Variants in HELZ observed in about 807,000 individuals in gnomAD.
HELZ encodes the protein helicase with zinc finger.
A neutral mutation model predicts 218.2 loss-of-function variants in HELZ; 23 were observed. That is an observed-to-expected ratio of 0.11 (90% CI 0.08 to 0.15). The LOEUF (loss-of-function observed/expected upper bound fraction) is 0.15. Ranked by LOEUF, HELZ falls within the 10% of genes least tolerant of loss-of-function variation. The pLI is 1.00. For synonymous variants in HELZ, 814 were observed against 829.4 expected, an observed-to-expected ratio of 0.98 and a Z score of 0.32; for missense variants, 1,813 against 2,353.7, an observed-to-expected ratio of 0.77 and a Z score of 4.75.
chr17:67,167,335 C>A, intron 14 of HELZ, 128 bp downstream of exon 14: 3 of 640,496 alleles, frequency 4.7e-6, no homozygotes, highest in Non-Finnish European at 5.4e-6. Flanking sequence ...ATTTTCAACC[C>A]ACCACTGTAG....
intron 24 of HELZ, among the ~76,000 whole-genome samples, chr17:67,125,045 T>G (rs1459206755): frequency 6.6e-6 from 1 of 151,310 alleles, no homozygotes; most frequent in Non-Finnish European, 1.5e-5. Flanking sequence ...AAAATCATTC[T>G]TGACAAAAGC....
chr17:67,207,960 C>T (rs144893997), intron 5 of HELZ, among the ~76,000 whole-genome samples: 1,610 of 152,298 alleles, frequency 0.011, 26 homozygotes, highest in African/African-American at 0.036. Context: ...GATCACTCCA[C>T]TGCACTCCAG....
intron 5 of HELZ, among the ~76,000 whole-genome samples, chr17:67,214,317 G>A (rs1421970542): frequency 7.4e-6 from 1 of 134,826 alleles, no homozygotes; most frequent in Non-Finnish European, 1.5e-5. Flanking sequence ...CCAGGCTGGA[G>A]TGCAGTAGCA....
intron 5 of HELZ, among the ~76,000 whole-genome samples, chr17:67,215,370 AC>A (rs1278656311): frequency 7.2e-6 from 1 of 138,402 alleles, no homozygotes; most frequent in East Asian, 2.1e-4. Context: ...TTTTTTTGAG[AC>A]GTAGTCTCAC....
chr17:67,193,827 CTT>C (rs2039959404), intron 9 of HELZ, 138 bp downstream of exon 9: 1 of 644,352 alleles, frequency 1.6e-6, no homozygotes, highest in Admixed American at 2.7e-5. Flanking sequence ...ATGGTTTTGA[CTT>C]TTATTACTTA....
chr17:67,078,635 T>C (rs771260722), intron 32 of HELZ, 49 bp from the exon 33 acceptor site: 1 of 1,288,522 alleles, frequency 7.8e-7, no homozygotes, highest in Admixed American at 2.7e-5. Context: ...CCCAGCAATG[T>C]TCATGTGCCT....
At position 67,114,321 on chromosome 17, in the gene HELZ, T is replaced by A. The variant is rs2037366699; in HGVS notation, c.3918+3A>T. 1.3e-6 allele frequency: 2 copies of A among 1,590,792 alleles called. No homozygotes were observed. The highest frequency in any genetic ancestry group is 2.7e-5 in the African/African-American group (2 of 74,362). ...AGGACAACACAGTAACTAAGCAGCA[T>A]ACCTGTTTTGGTTCTGTTGGCTTTT... On this transcript the variant is annotated splice_donor_region_variant and intron_variant, in intron 28 of 32. Coordinates refer to ENST00000358691, the MANE Select transcript of HELZ (RefSeq NM_014877.4).
intron 13 of HELZ, 23 bp from the exon 14 acceptor site, chr17:67,167,819 GT>G: frequency 6.8e-7 from 1 of 1,476,496 alleles, no homozygotes; most frequent in Non-Finnish European, 9.3e-7. Context: ...TAGAAAACTA[GT>G]TTGAATATTT....
At chr17:67,112,516 C>A (rs980889457) in intron 28 of HELZ, among the ~76,000 whole-genome samples, 2 of 152,208 alleles carry the variant, frequency 1.3e-5, no homozygotes, top group African/African-American at 4.8e-5. Flanking sequence ...ACTTATCTAT[C>A]AGGAGGTTCC....
intron 3 of HELZ, chr17:67,224,943 T>C (rs1393734079): frequency 7.0e-6 from 5 of 712,442 alleles, no homozygotes; most frequent in Admixed American, 3.5e-5. Flanking sequence ...TTGAGTGCGT[T>C]GAGCCCAAAC....
chr17:67,108,761 T>C lies in HELZ; in HGVS notation c.4490-35A>G, dbSNP rs554749358. On this transcript the variant is annotated intron_variant, in intron 29 of 32. Coordinates refer to ENST00000358691, the MANE Select transcript of HELZ (RefSeq NM_014877.4). This position sits in a 1 kb window ranked among gnomAD's most constrained non-coding sequence, Gnocchi z 4.1. ...TATTTGTGAAAAATTTTTTATGAAT[T>C]TGGGGTTTCAAGTTCATTATTTAAA... The C allele has an allele frequency of 1.5e-5, 22 of 1,481,950 alleles. 1 individual carries two copies. In the East Asian group the frequency reaches 4.6e-4, roughly 31 times the overall value. The allele number at this position is 1,481,950 out of a possible 1,614,324, so 91.8% of individuals were successfully genotyped here. A position where few individuals can be genotyped will look rare whatever the true frequency, so the allele number is the denominator to read the frequency against.
At chr17:67,177,244 C>T (rs1049391877) in intron 13 of HELZ, among the ~76,000 whole-genome samples, 35 of 152,084 alleles carry the variant, frequency 2.3e-4, no homozygotes, top group Non-Finnish European at 4.0e-4. Context: ...TGAGCCACCA[C>T]ACCCAGCCTT....
rs2036071964 is a variant in HELZ at position 67,078,156 on chromosome 17, AG to A, written c.*95del. Reference sequence around the variant, plus strand: ...GAGAACATATTTAATATTAAAACAAAGGGAACTGTGCATCTATAGATGAAGT... The same window carrying A: ...GAGAACATATTTAATATTAAAACAAAGGAACTGTGCATCTATAGATGAAGT... On this transcript the variant is annotated 3_prime_UTR_variant, in exon 33 of 33. Coordinates refer to ENST00000358691, the MANE Select transcript of HELZ (RefSeq NM_014877.4). 3 of 777,540 alleles carry A rather than the reference AG, an allele frequency of 3.9e-6. No homozygotes were observed. Among genetic ancestry groups the A allele is most frequent in the Non-Finnish European group, 4.2e-6 (2 of 478,926 alleles). 48.2% of individuals were successfully genotyped at this position (777,540 alleles called of 1,614,324 possible).
At chr17:67,114,221 G>C (rs2037364098) in intron 28 of HELZ, 103 bp downstream of exon 28, 3 of 763,136 alleles carry the variant, frequency 3.9e-6, no homozygotes, top group Non-Finnish European at 4.7e-6. Flanking sequence ...TAAACATAAA[G>C]GATAAGTGTA....
intron 5 of HELZ, among the ~76,000 whole-genome samples, chr17:67,212,314 C>CGAAAAAAAAAAAAAAA (rs2040475559): frequency 4.7e-5 from 1 of 21,396 alleles, no homozygotes; most frequent in Admixed American, 1.2e-3. Context: ...GACACCATCT[C>CGAAAAAAAAAAAAAAA]AAAAAAAAAA....
chr17:67,143,872 A>T (rs571038521), intron 21 of HELZ, among the ~76,000 whole-genome samples: 20 of 152,356 alleles, frequency 1.3e-4, no homozygotes, highest in Admixed American at 7.2e-4. Context: ...CACACAGCAC[A>T]TATGCTATGA....
At position 67,109,362 on chromosome 17, in the gene HELZ, G is replaced by A; in HGVS notation, c.4243C>T (p.Pro1415Ser). The A allele has an allele frequency of 6.2e-7, 1 of 1,614,126 alleles. No homozygotes were observed. Among genetic ancestry groups the A allele is most frequent in the Non-Finnish European group, 8.5e-7 (1 of 1,180,016 alleles). ...QSQLNQQPQQ[P>S]PPQLSPAYQA... ...TATGCAGGAGAAAGCTGAGGAGGTG[G>A]CTGCTGAGGCTGCTGATTCAACTGA... is the stretch of plus-strand genomic sequence containing the variant. Residue 1415 changes from proline (P) to serine (S), a missense_variant, in exon 29 of 33, where the codon CCA becomes TCA. Around this residue, in one of 4 missense-constraint regions of HELZ, gnomAD observed 938 missense variants for 1,027.5 expected, o/e 0.91. Coordinates refer to ENST00000358691, the MANE Select transcript of HELZ (RefSeq NM_014877.4).
intron 31 of HELZ, among the ~76,000 whole-genome samples, chr17:67,092,480 C>T (rs970162904): frequency 2.0e-5 from 3 of 152,102 alleles, no homozygotes; most frequent in Non-Finnish European, 2.9e-5. Flanking sequence ...TACTCCTCCC[C>T]GCAACAACAG....
rs138017436 is a variant in HELZ, at chr17:67,165,744, T to G, written c.1895+734A>C. The stretch of plus-strand genomic sequence containing the variant: ...CCAAAAAAATTTAAGCAGAACAATA[T>G]TTATACGACCATTAACTGGAGAGCA... On this transcript the variant is annotated intron_variant, in intron 15 of 32. Transcript: ENST00000358691. Among the ~76,000 whole-genome samples the G allele has an allele frequency of 9.1e-4, 139 of 152,310 alleles. 1 individual carries two copies. The highest frequency in any genetic ancestry group is 3.2e-3 in the African/African-American group (135 of 41,564).
Sources: gnomAD v4.1 joint callset for allele counts (sites outside exome capture counted in the v4.1 genomes callset) on GRCh38, gnomAD v4.1.1 for gene constraint, gnomAD v4.1.1 regional missense constraint, Gnocchi (gnomAD v3.1) non-coding constraint, MANE v1.5 for transcripts, NCBI Gene and HGNC (gene_info 2026-07-23, HGNC 2026-07-21) for gene names.